The following INPP4A variants were observed in gnomAD, a reference collection of about 807,000 sequenced individuals.
INPP4A encodes inositol polyphosphate-4-phosphatase, type I, 107kD.
In INPP4A, 33 loss-of-function variants were observed where a neutral mutation model predicts 119.8. The ratio of observed to expected loss-of-function variants is 0.28; its 90% CI spans 0.21 to 0.37. The LOEUF (loss-of-function observed/expected upper bound fraction) is 0.37. Among genes scored for constraint, INPP4A ranks in the 10% least tolerant of loss-of-function variants. The pLI is 1.00. For missense variants in INPP4A, 956 were observed against 1,289.9 expected, an observed-to-expected ratio of 0.74 and a Z score of 3.97; for synonymous variants, 496 against 500.7, an observed-to-expected ratio of 0.99 and a Z score of 0.12.
intron 20 of INPP4A, 50 bp downstream of exon 20, chr2:98,565,816 T>G: frequency 2.5e-6 from 4 of 1,594,928 alleles, no homozygotes. Context: ...TTTTCATTTT[T>G]GTTTATCTCA....
intron 1 of INPP4A, among the ~76,000 whole-genome samples, chr2:98,484,074 C>T (rs1451349714): frequency 6.6e-6 from 1 of 152,092 alleles, no homozygotes; most frequent in African/African-American, 2.4e-5. Context: ...CAGAGGTGGG[C>T]TTGGAATCTC....
intron 24 of INPP4A, 99 bp downstream of exon 24, chr2:98,577,242 T>C (rs1353360890): frequency 7.3e-6 from 9 of 1,239,922 alleles, no homozygotes; most frequent in Non-Finnish European, 9.9e-6. Flanking sequence ...CTACCCTGCA[T>C]GAGCCCCTTG....
intron 1 of INPP4A, among the ~76,000 whole-genome samples, chr2:98,490,080 G>A (rs75608749): frequency 2.6e-3 from 389 of 151,910 alleles, no homozygotes; most frequent in Middle Eastern, 0.01. Context: ...GAGGTGCTCC[G>A]GGTCTGGGTG....
chr2:98,515,673 C>T (rs1237944397), intron 1 of INPP4A, among the ~76,000 whole-genome samples: 1 of 152,228 alleles, frequency 6.6e-6, no homozygotes, highest in Non-Finnish European at 1.5e-5. Flanking sequence ...ATCCTCACCC[C>T]TCAACTCCAG....
At chr2:98,558,007 T>C (rs1694801110) in intron 16 of INPP4A, among the ~76,000 whole-genome samples, 1 of 152,244 alleles carries the variant, frequency 6.6e-6, no homozygotes, top group African/African-American at 2.4e-5. Context: ...TACACCCAGG[T>C]TCTTGTACCC....
At chr2:98,484,566 A>G (rs1679162182) in intron 1 of INPP4A, among the ~76,000 whole-genome samples, 1 of 152,156 alleles carries the variant, frequency 6.6e-6, no homozygotes, top group Non-Finnish European at 1.5e-5. Context: ...CCAGAGAGGC[A>G]CTAAACAACC....
chr2:98,469,227 G>A (rs915434570), intron 1 of INPP4A, among the ~76,000 whole-genome samples: 35 of 152,168 alleles, frequency 2.3e-4, no homozygotes, highest in Admixed American at 7.2e-4. Flanking sequence ...GGCTGGGCAC[G>A]GTGGCTCACG....
chr2:98,560,820 A>G (rs1221200027), intron 17 of INPP4A, among the ~76,000 whole-genome samples: 1 of 152,182 alleles, frequency 6.6e-6, no homozygotes, highest in African/African-American at 2.4e-5. Flanking sequence ...GCCCCCACAG[A>G]AGCTCAGGGG....
rs952049067 is a variant in INPP4A at position 98,544,061 on chromosome 2, ACACTCT to A, written c.949+66_949+71del. 46 of 1,463,682 alleles carry A rather than the reference ACACTCT, an allele frequency of 3.1e-5. No individual in the cohort carries two copies. In the African/African-American group the frequency reaches 4.4e-4, roughly 14 times the overall value. 90.7% of individuals were successfully genotyped at this position (1,463,682 alleles called of 1,614,324 possible). A position where few individuals can be genotyped will look rare whatever the true frequency, so the allele number is the denominator to read the frequency against. On this transcript the variant is annotated intron_variant, in intron 11 of 24. Transcript: ENST00000409851. ...CACGCGTGCGCACACACACACACAC[ACACTCT>A]CACTCTCACTCAGTCACTCCCTCTG...
rs774195024 is a variant in INPP4A, at chr2:98,569,892, G to C, written c.2518+1224G>C. 4 of 152,502 alleles carry C rather than the reference G, an allele frequency of 2.6e-5. No individual in the cohort carries two copies. The highest frequency in any genetic ancestry group is 4.8e-5 in the African/African-American group (2 of 41,436). 9.4% of individuals were successfully genotyped at this position (152,502 alleles called of 1,614,324 possible). A position where few individuals can be genotyped will look rare whatever the true frequency, so the allele number is the denominator to read the frequency against. On this transcript the variant is annotated intron_variant, in intron 22 of 24. Transcript: ENST00000409851. The surrounding 1 kb of genome is among the most constrained non-coding windows in gnomAD (Gnocchi z 5.1). Reference sequence around the variant, plus strand: ...AGGGGAGGCAAGCCGCTGATGGCCAGAGTGAGGCTGTGACACTTCAGATGA... The same window carrying C: ...AGGGGAGGCAAGCCGCTGATGGCCACAGTGAGGCTGTGACACTTCAGATGA...
At chr2:98,541,795 G>A (rs1691519703) in intron 10 of INPP4A, among the ~76,000 whole-genome samples, 1 of 152,162 alleles carries the variant, frequency 6.6e-6, no homozygotes, top group Non-Finnish European at 1.5e-5. Context: ...GTGTTGCCTA[G>A]GCTGGTCCCT....
intron 1 of INPP4A, among the ~76,000 whole-genome samples, chr2:98,457,978 A>AAAT (rs780756475): frequency 1.5e-5 from 2 of 137,146 alleles, no homozygotes; most frequent in Non-Finnish European, 1.6e-5. Context: ...TTAAACAAAA[A>AAAT]TTTTTTTTTT....
chr2:98,470,560 C>T (rs762010112), intron 1 of INPP4A, among the ~76,000 whole-genome samples: 1 of 152,220 alleles, frequency 6.6e-6, no homozygotes, highest in African/African-American at 2.4e-5. Flanking sequence ...ACCAGGACCA[C>T]AGGAAGAAGT....
intron 5 of INPP4A, 49 bp from the exon 6 acceptor site, chr2:98,535,680 A>G (rs552993870): frequency 2.3e-5 from 19 of 808,840 alleles, no homozygotes; most frequent in South Asian, 1.5e-4. Context: ...AAGCAATTAC[A>G]TTTTAAAAAT....
At chr2:98,564,034 G>C (rs985031619) in intron 18 of INPP4A, among the ~76,000 whole-genome samples, 1 of 151,270 alleles carries the variant, frequency 6.6e-6, no homozygotes, top group African/African-American at 2.4e-5. Flanking sequence ...AGGTGCCTTA[G>C]CTCTGCAGCT....
chr2:98,508,163 A>G (rs1227108550), intron 1 of INPP4A, among the ~76,000 whole-genome samples: 2 of 152,176 alleles, frequency 1.3e-5, no homozygotes, highest in East Asian at 3.8e-4. Context: ...AGGCTGTTCT[A>G]GTGGCTGGGG....
intron 1 of INPP4A, among the ~76,000 whole-genome samples, chr2:98,495,045 C>T (rs905638221): frequency 1.3e-4 from 20 of 152,110 alleles, no homozygotes; most frequent in Non-Finnish European, 8.8e-5. Flanking sequence ...TACTTCACCA[C>T]AGGAGTCCAG....
intron 24 of INPP4A, among the ~76,000 whole-genome samples, chr2:98,585,414 A>G (rs1355079684): frequency 3.3e-5 from 5 of 152,394 alleles, no homozygotes; most frequent in African/African-American, 9.6e-5. Context: ...AAAAGTAATC[A>G]TGGAGCTTTG....
intron 4 of INPP4A, among the ~76,000 whole-genome samples, chr2:98,528,895 G>A (rs941820345): frequency 1.3e-5 from 2 of 151,978 alleles, no homozygotes; most frequent in African/African-American, 4.8e-5. Context: ...GGCTAACACA[G>A]TGAAACCCAT....
Sources: allele counts gnomAD v4.1 joint callset (sites outside exome capture counted in the v4.1 genomes callset), GRCh38; gene constraint gnomAD v4.1.1; non-coding constraint Gnocchi (gnomAD v3.1); transcripts MANE v1.5; gene names NCBI Gene and HGNC (gene_info 2026-07-23, HGNC 2026-07-21).